Variants in SGCD observed in about 807,000 individuals in gnomAD.
SGCD encodes the protein sarcoglycan delta, also known as delta-sarcoglycan.
A neutral mutation model predicts 36.6 loss-of-function variants in SGCD; 18 were observed. The observed-to-expected ratio is 0.49, with a 90% CI of 0.34 to 0.73. The LOEUF is 0.73. SGCD is among the 30% of genes least tolerant of loss of function. The pLI, the probability that SGCD is intolerant of heterozygous loss-of-function variation, is 0.01. For missense variants in SGCD, 387 were observed against 346.7 expected, an observed-to-expected ratio of 1.12 and a Z score of -0.92; for synonymous variants, 133 against 130.6, an observed-to-expected ratio of 1.02 and a Z score of -0.12.
intron 1 of SGCD, among the ~76,000 whole-genome samples, chr5:156,090,201 T>C (rs945099253): frequency 2.0e-5 from 3 of 152,192 alleles, no homozygotes; most frequent in Admixed American, 1.3e-4. Flanking sequence ...GTGTTTAATG[T>C]CCTTATTTCC....
chr5:156,032,678 G>C (rs563714313), intron 1 of SGCD, among the ~76,000 whole-genome samples: 45 of 119,198 alleles, frequency 3.8e-4, no homozygotes, highest in Non-Finnish European at 4.9e-4. Context: ...CTGCACTCCA[G>C]CCTGGGCGAC....
intron 3 of SGCD, among the ~76,000 whole-genome samples, chr5:156,498,958 G>GTGTGTA (rs1471672677): frequency 1.3e-5 from 2 of 151,046 alleles, no homozygotes; most frequent in African/African-American, 2.4e-5. Context: ...GTGTGTGTGT[G>GTGTGTA]TGTGTATGTG....
intron 4 of SGCD, among the ~76,000 whole-genome samples, chr5:156,512,191 C>CA (rs759345867): frequency 0.11 from 7,500 of 65,808 alleles, 487 homozygotes; most frequent in Admixed American, 0.18. Context: ...GACTCTGTCT[C>CA]AAAAAAAAAA....
chr5:156,363,574 C>T (rs1366836465), intron 3 of SGCD, among the ~76,000 whole-genome samples: 1 of 151,868 alleles, frequency 6.6e-6, no homozygotes, highest in Non-Finnish European at 1.5e-5. Flanking sequence ...TTTAAATATC[C>T]TGATTGTTTC....
chr5:155,784,383 G>A, the SGCD span, among the ~76,000 whole-genome samples: 7 of 152,196 alleles, frequency 4.6e-5, no homozygotes, highest in Admixed American at 1.3e-4. Flanking sequence ...GCAGTAAGCC[G>A]TGAAGCTAGG....
At chr5:156,070,387 A>C (rs1283884074) in intron 1 of SGCD, among the ~76,000 whole-genome samples, 1 of 149,692 alleles carries the variant, frequency 6.7e-6, no homozygotes, top group East Asian at 1.9e-4. Flanking sequence ...TATTGAGATC[A>C]TCATGTGGTT....
At chr5:156,205,063 T>C (rs898611368) in intron 3 of SGCD, among the ~76,000 whole-genome samples, 1 of 152,118 alleles carries the variant, frequency 6.6e-6, no homozygotes, top group Non-Finnish European at 1.5e-5. Flanking sequence ...TATAATAGCA[T>C]ATAGATTTTT....
intron 7 of SGCD, among the ~76,000 whole-genome samples, chr5:156,725,583 T>TC (rs1755733721): frequency 2.0e-5 from 3 of 152,072 alleles, no homozygotes; most frequent in African/African-American, 7.2e-5. Flanking sequence ...GAGGGAAAGG[T>TC]CCTTGCTTTT....
intron 7 of SGCD, among the ~76,000 whole-genome samples, chr5:156,720,569 A>G (rs1204656917): frequency 6.6e-6 from 1 of 152,196 alleles, no homozygotes; most frequent in Non-Finnish European, 1.5e-5. Flanking sequence ...GCAATGAAGC[A>G]TTCTGGATGA....
chr5:155,737,662 G>A, the SGCD span, among the ~76,000 whole-genome samples: 1 of 152,146 alleles, frequency 6.6e-6, no homozygotes, highest in South Asian at 2.1e-4. Context: ...TGACAGGCTA[G>A]TGGCAGAGCC....
chr5:155,829,049 T>C, the SGCD span, among the ~76,000 whole-genome samples: 1 of 152,008 alleles, frequency 6.6e-6, no homozygotes, highest in Non-Finnish European at 1.5e-5. Context: ...GAGAGCTAGA[T>C]GACCTGGCTG....
chr5:156,747,225 A>C (rs1243864555), intron 7 of SGCD, among the ~76,000 whole-genome samples: 2 of 152,204 alleles, frequency 1.3e-5, no homozygotes, highest in African/African-American at 4.8e-5. Flanking sequence ...GGAATGTAAA[A>C]CTGCAAAACT....
At chr5:155,878,778 T>C (rs1409634869) in intron 1 of SGCD, among the ~76,000 whole-genome samples, 1 of 152,136 alleles carries the variant, frequency 6.6e-6, no homozygotes, top group Non-Finnish European at 1.5e-5. Flanking sequence ...ACTATTTTCA[T>C]ATCCAATAGA....
chr5:156,624,870 AG>A (rs1434288213), intron 6 of SGCD, among the ~76,000 whole-genome samples: 1 of 152,202 alleles, frequency 6.6e-6, no homozygotes, highest in Non-Finnish European at 1.5e-5. Context: ...AGGCTGATAA[AG>A]CACAAGAGCT....
chr5:156,745,160 C>CA (rs1369436830), intron 7 of SGCD, among the ~76,000 whole-genome samples: 1 of 152,124 alleles, frequency 6.6e-6, no homozygotes, highest in Non-Finnish European at 1.5e-5. Context: ...GGGACCCCCC[C>CA]AGTTACCAAA....
At chr5:156,320,240 A>G (rs1364321322) in intron 3 of SGCD, among the ~76,000 whole-genome samples, 1 of 152,052 alleles carries the variant, frequency 6.6e-6, no homozygotes, top group Non-Finnish European at 1.5e-5. Context: ...TGCACCCATC[A>G]GTTGTGTCTT....
intron 1 of SGCD, among the ~76,000 whole-genome samples, chr5:155,965,045 C>T (rs1757876459): frequency 6.6e-6 from 1 of 152,052 alleles, no homozygotes. Flanking sequence ...GGGATGAAGA[C>T]TATTGAAGAC....
chr5:156,001,140 A>C (rs150152121), intron 1 of SGCD, among the ~76,000 whole-genome samples: 1 of 152,108 alleles, frequency 6.6e-6, no homozygotes, highest in African/African-American at 2.4e-5. Context: ...CCATCTCATC[A>C]TCTTGTTTCT....
At chr5:156,477,032 G>T (rs1755210175) in intron 3 of SGCD, among the ~76,000 whole-genome samples, 1 of 131,822 alleles carries the variant, frequency 7.6e-6, no homozygotes, top group African/African-American at 2.8e-5. Flanking sequence ...TTAATTCAGT[G>T]AATTTCAAGA....
Sources: allele counts gnomAD v4.1 joint callset (sites outside exome capture counted in the v4.1 genomes callset), GRCh38; gene constraint gnomAD v4.1.1; transcripts MANE v1.5; gene names NCBI Gene and HGNC (gene_info 2026-07-23, HGNC 2026-07-21).